Variants in ZNF490 observed in about 807,000 individuals in gnomAD.
ZNF490 encodes the protein zinc finger protein 490.
Under a neutral mutation model 17.7 loss-of-function variants are expected in ZNF490, and 11 were observed. The ratio of observed to expected loss-of-function variants is 0.62; its 90% CI spans 0.39 to 1.03. ZNF490 has a LOEUF of 1.03. ZNF490 is among the 50% of genes least tolerant of loss of function. The probability of loss-of-function intolerance (pLI) is 0.00; values close to 1 mark genes in which losing one functional copy is unlikely to be tolerated. For missense variants in ZNF490, 542 were observed against 643.4 expected, an observed-to-expected ratio of 0.84 and a Z score of 1.71; for synonymous variants, 222 against 216.1, an observed-to-expected ratio of 1.03 and a Z score of -0.24.
In ZNF490 at chr19:12,610,730, CGA is replaced by C. The variant is rs771977452; in HGVS notation, c.-52_-51del. The C allele has an allele frequency of 1.3e-5, 21 of 1,561,470 alleles. 2 individuals carry two copies. The South Asian group carries it at 2.3e-4, about 17-fold the overall frequency. On this transcript the variant is annotated 5_prime_UTR_variant, in exon 1 of 5. Coordinates refer to ENST00000311437, the MANE Select transcript of ZNF490 (RefSeq NM_020714.3). Reference sequence around the variant, plus strand: ...TGCAGGAAGACTTCCGTGTCCGACCCGAGATCCGGAACAATTTCTGCTTCAAC... The same window carrying C: ...TGCAGGAAGACTTCCGTGTCCGACCCGATCCGGAACAATTTCTGCTTCAAC...
intron 2 of ZNF490, among the ~76,000 whole-genome samples, chr19:12,595,631 C>A (rs1192640454): frequency 6.6e-6 from 1 of 151,966 alleles, no homozygotes; most frequent in Non-Finnish European, 1.5e-5. Flanking sequence ...AGGTTATGGG[C>A]CTCACCCATG....
chr19:12,592,431 C>T (rs958844273), intron 2 of ZNF490, among the ~76,000 whole-genome samples: 8 of 151,242 alleles, frequency 5.3e-5, no homozygotes, highest in Non-Finnish European at 8.8e-5. Context: ...GAAACCTTGA[C>T]TTGAACATAT....
intron 2 of ZNF490, among the ~76,000 whole-genome samples, chr19:12,596,300 C>A (rs1250255930): frequency 6.9e-6 from 1 of 145,942 alleles, no homozygotes; most frequent in African/African-American, 2.5e-5. Flanking sequence ...TCAAGGAATC[C>A]AAGGGAAAGA....
chr19:12,601,533 G>A (rs572853944), intron 2 of ZNF490, among the ~76,000 whole-genome samples: 1 of 152,072 alleles, frequency 6.6e-6, no homozygotes, highest in Non-Finnish European at 1.5e-5. Flanking sequence ...GGGACTACAG[G>A]TGTATGCCAC....
chr19:12,578,796 C>T lies in ZNF490; in HGVS notation c.*1689G>A, dbSNP rs148875768. The T allele has an allele frequency of 3.9e-5, 38 of 985,474 alleles. 1 individual carries two copies. The African/African-American group carries it at 4.9e-4, about 13-fold the overall frequency. 61.0% of individuals were successfully genotyped at this position (985,474 alleles called of 1,614,324 possible). Reference sequence around the variant, plus strand: ...CTAGAGGGTGTTTCCTAACTTCTGACTGGATGCCACAAAAGGCCTGCTGGG... The same window carrying T: ...CTAGAGGGTGTTTCCTAACTTCTGATTGGATGCCACAAAAGGCCTGCTGGG... On this transcript the variant is annotated 3_prime_UTR_variant, in exon 5 of 5. Transcript: ENST00000311437.
rs2022723211 is a variant in ZNF490 at position 12,580,934 on chromosome 19, C to T, written c.1141G>A (p.Glu381Lys). The change falls in exon 5 of 5, where the codon GAA becomes AAA. Residue 381 changes from glutamate (E) to lysine (K), a missense_variant. Transcript: ENST00000311437. ...GGTTTTTCTCCAAAATGAGTTCTTT[C>T]GTGCACTTCACAGGAACTAGATGAC... Reference protein sequence around the residue: ...FKSSSSCEVHERTHFGEKPYE... With the variant: ...FKSSSSCEVHKRTHFGEKPYE... 2 of 1,614,184 alleles carry T rather than the reference C, an allele frequency of 1.2e-6. No individual in the cohort carries two copies. Among genetic ancestry groups the T allele is most frequent in the Non-Finnish European group, 1.7e-6 (2 of 1,180,034 alleles).
At chr19:12,605,851 G>C (rs1056262187) in intron 2 of ZNF490, among the ~76,000 whole-genome samples, 2 of 152,064 alleles carry the variant, frequency 1.3e-5, no homozygotes, top group Non-Finnish European at 2.9e-5. Flanking sequence ...TTTAAGAAAA[G>C]TGTATTTGAG....
chr19:12,578,462 G>T lies in ZNF490; in HGVS notation c.*2023C>A. 1.0e-6 allele frequency: 1 copy of T among 985,416 alleles called. No individual in the cohort carries two copies. Among genetic ancestry groups the T allele is most frequent in the East Asian group, 1.1e-4 (1 of 8,810 alleles). The allele number at this position is 985,416 out of a possible 1,614,324, so 61.0% of individuals were successfully genotyped here. On this transcript the variant is annotated 3_prime_UTR_variant, in exon 5 of 5. Transcript: ENST00000311437. ...AGTCTCTCACCTCAGAGCCACCTGC[G>T]GTTGCCACAGAGAAATTCAGATGTG... is the stretch of plus-strand genomic sequence containing the variant.
In ZNF490 at chr19:12,587,906, G is replaced by T. The variant is rs545454551; in HGVS notation, c.163-4350C>A. On this transcript the variant is annotated intron_variant, in intron 2 of 4. Transcript: ENST00000311437. ...TTGTTTGAGTCGAAGTTTCGCTCTTGTTGCCCAGGCTGGAGTGCGATGGCG... is the reference window on the plus strand; with the variant it reads ...TTGTTTGAGTCGAAGTTTCGCTCTTTTTGCCCAGGCTGGAGTGCGATGGCG... Among the ~76,000 whole-genome samples, 21 of 92,738 alleles carry T rather than the reference G, an allele frequency of 2.3e-4. 7 individuals are homozygous for T. The highest frequency in any genetic ancestry group is 8.6e-4 in the South Asian group (3 of 3,474). The allele number at this position is 92,738 out of a possible 152,430, so 60.8% of individuals were successfully genotyped here.
In ZNF490 at chr19:12,580,343, T is replaced by C; in HGVS notation, c.*142A>G. ...ATTTGTTAAATATTTCATTGCCGCA[T>C]GAGTCACGTCTTCAAAGGGAATTAG... On this transcript the variant is annotated 3_prime_UTR_variant, in exon 5 of 5. Transcript: ENST00000311437. The C allele has an allele frequency of 6.9e-7, 1 of 1,456,558 alleles. No individual in the cohort carries two copies. 90.2% of individuals were successfully genotyped at this position (1,456,558 alleles called of 1,614,324 possible).
chr19:12,605,986 T>G (rs942917727), intron 2 of ZNF490, among the ~76,000 whole-genome samples: 2 of 151,916 alleles, frequency 1.3e-5, no homozygotes, highest in African/African-American at 4.8e-5. Flanking sequence ...GTTCAAGCAA[T>G]TATCCTGCCT....
intron 2 of ZNF490, among the ~76,000 whole-genome samples, chr19:12,592,581 T>C (rs188299334): frequency 9.9e-4 from 151 of 152,094 alleles, no homozygotes; most frequent in African/African-American, 3.4e-3. Flanking sequence ...GACTAATGAA[T>C]AGGAGAAGCA....
chr19:12,583,127 G>A (rs1035105581), intron 3 of ZNF490, among the ~76,000 whole-genome samples: 17 of 150,174 alleles, frequency 1.1e-4, no homozygotes, highest in African/African-American at 2.4e-4. Flanking sequence ...CTGCAACCTC[G>A]GCCTCCCGGG....
chr19:12,586,874 C>T lies in ZNF490; in HGVS notation c.163-3318G>A, dbSNP rs1291178409. Among the ~76,000 whole-genome samples, 3 of 91,972 alleles carry T rather than the reference C, an allele frequency of 3.3e-5. 1 individual carries two copies. Among genetic ancestry groups the T allele is most frequent in the Admixed American group, 2.0e-4 (2 of 9,812 alleles). The allele number at this position is 91,972 out of a possible 152,430, so 60.3% of individuals were successfully genotyped here. On this transcript the variant is annotated intron_variant, in intron 2 of 4. Transcript: ENST00000311437. ...CCTCTTGAGGTCAGGAGTTCAAGACCAGCCTGACCAACATGGAGAAACCCT... is the reference window on the plus strand; with the variant it reads ...CCTCTTGAGGTCAGGAGTTCAAGACTAGCCTGACCAACATGGAGAAACCCT...
chr19:12,601,775 G>A (rs891824040), intron 2 of ZNF490, among the ~76,000 whole-genome samples: 4 of 151,622 alleles, frequency 2.6e-5, no homozygotes, highest in Admixed American at 6.6e-5. Flanking sequence ...GGCGGATCAC[G>A]AGGTCAGGAG....
intron 2 of ZNF490, among the ~76,000 whole-genome samples, chr19:12,595,680 C>T (rs916531781): frequency 6.6e-6 from 1 of 151,934 alleles, no homozygotes; most frequent in Non-Finnish European, 1.5e-5. Flanking sequence ...CTGGGTGTGG[C>T]GACTCACACC....
chr19:12,576,920 T>A lies in ZNF490; in HGVS notation c.*3565A>T, dbSNP rs549958751. Among the ~76,000 whole-genome samples the A allele has an allele frequency of 6.6e-6, 1 of 151,768 alleles. No individual in the cohort carries two copies. Among genetic ancestry groups the A allele is most frequent in the East Asian group, 1.9e-4 (1 of 5,168 alleles). On this transcript the variant is annotated 3_prime_UTR_variant, in exon 5 of 5. Coordinates refer to ENST00000311437, the MANE Select transcript of ZNF490 (RefSeq NM_020714.3). ...ACAAATATACAAAAATCACACACGT[T>A]ATCACTGTACATACAGGTGGACAGA...
At chr19:12,583,023 T>C in intron 3 of ZNF490, 113 bp from the exon 4 acceptor site, 1 of 868,242 alleles carries the variant, frequency 1.2e-6, no homozygotes, top group Non-Finnish European at 1.8e-6. Flanking sequence ...CTGATCTACT[T>C]ACTAAAGTAT....
intron 2 of ZNF490, among the ~76,000 whole-genome samples, chr19:12,601,279 T>G (rs528636093): frequency 4.0e-5 from 6 of 151,268 alleles, no homozygotes; most frequent in Admixed American, 6.6e-5. Context: ...TCCCAGCTAC[T>G]CGGGAGGCTG....
Sources: gnomAD v4.1 joint callset for allele counts (sites outside exome capture counted in the v4.1 genomes callset) on GRCh38, gnomAD v4.1.1 for gene constraint, MANE v1.5 for transcripts, NCBI Gene and HGNC (gene_info 2026-07-23, HGNC 2026-07-21) for gene names.